MICU3: variants seen among roughly 807,000 people sequenced by gnomAD.
The protein encoded by MICU3 is mitochondrial calcium uptake 3, also known as calcium uptake protein 3, mitochondrial.
MICU3 carries 62 observed loss-of-function variants against 66.5 expected under a neutral mutation model. That is an observed-to-expected ratio of 0.93 (90% CI 0.76 to 1.15). MICU3 has a LOEUF of 1.15. MICU3 is among the 50% of genes most tolerant of loss of function. The pLI is 0.00. For missense variants in MICU3, 779 were observed against 664.4 expected (o/e 1.17, Z -1.90); for synonymous variants, 308 against 240.7 (o/e 1.28, Z -2.59).
chr8:17,101,907 C>T lies in MICU3; in HGVS notation c.985-2484C>T, dbSNP rs1207603059. 2.0e-5 allele frequency among the ~76,000 whole-genome samples: 3 copies of T among 152,030 alleles called. No individual in the cohort carries two copies. In the East Asian group the frequency reaches 5.8e-4, roughly 29 times the overall value. On this transcript the variant is annotated intron_variant, in intron 9 of 14. Coordinates refer to ENST00000318063, the MANE Select transcript of MICU3 (RefSeq NM_181723.3). Reference sequence around the variant, plus strand: ...CAAAAATACATAATAACAGCTAACACTTACTGAGCATTTACAGTACACTAG... The same window carrying T: ...CAAAAATACATAATAACAGCTAACATTTACTGAGCATTTACAGTACACTAG...
chr8:17,091,664 T>A (rs1563363901), intron 8 of MICU3, among the ~76,000 whole-genome samples: 1 of 152,100 alleles, frequency 6.6e-6, no homozygotes, highest in Non-Finnish European at 1.5e-5. Context: ...AGGATCCATA[T>A]AAGTAATTGT....
In MICU3 at chr8:17,102,201, C is replaced by T. The variant is rs112901798; in HGVS notation, c.985-2190C>T. On this transcript the variant is annotated intron_variant, in intron 9 of 14. Coordinates refer to ENST00000318063, the MANE Select transcript of MICU3 (RefSeq NM_181723.3). ...TCTACTCTTGTCTCCTTTCCTCCCACCCCATTCCTCTAGCTTCCAGACAGA... is the reference window on the plus strand; with the variant it reads ...TCTACTCTTGTCTCCTTTCCTCCCATCCCATTCCTCTAGCTTCCAGACAGA... Among the ~76,000 whole-genome samples, 985 of 151,942 alleles carry T rather than the reference C, an allele frequency of 6.5e-3. 10 individuals are homozygous for T. The highest frequency in any genetic ancestry group is 0.023 in the African/African-American group (937 of 41,484).
the MICU3 span, among the ~76,000 whole-genome samples, chr8:17,137,705 CTTTTTTTTTTTTTTTTT>C: frequency 0.021 from 2,151 of 103,136 alleles, 76 homozygotes; most frequent in African/African-American, 0.061. Flanking sequence ...TTTTCTTTTC[CTTTTTTTTTTTTTTTTT>C]TTTTTTTTTT....
the MICU3 span, chr8:17,131,965 C>G: frequency 2.0e-5 from 3 of 152,174 alleles, no homozygotes; most frequent in Admixed American, 6.5e-5. Flanking sequence ...TATATACCTT[C>G]TACGCACACT....
chr8:17,055,613 T>G (rs1006080418), intron 1 of MICU3, among the ~76,000 whole-genome samples: 2 of 152,194 alleles, frequency 1.3e-5, no homozygotes, highest in African/African-American at 2.4e-5. Flanking sequence ...AGGCCTGGCC[T>G]ATAAAAGCTT....
At chr8:17,106,383 G>C (rs553585989) in intron 11 of MICU3, among the ~76,000 whole-genome samples, 2 of 150,908 alleles carry the variant, frequency 1.3e-5, no homozygotes, top group East Asian at 3.9e-4. Flanking sequence ...TTGGCAATTA[G>C]TTTACGATAT....
the MICU3 span, among the ~76,000 whole-genome samples, chr8:17,130,587 A>G: frequency 6.6e-6 from 1 of 152,218 alleles, no homozygotes; most frequent in Non-Finnish European, 1.5e-5. Context: ...GTTTATCATT[A>G]AATTATTTGG....
chr8:17,094,846 A>C (rs1350528499), intron 8 of MICU3, among the ~76,000 whole-genome samples: 1 of 151,994 alleles, frequency 6.6e-6, no homozygotes, highest in Non-Finnish European at 1.5e-5. Flanking sequence ...TTCCTGTTTC[A>C]TCACACCAAA....
At chr8:17,109,323 A>G (rs1444800955) in intron 11 of MICU3, among the ~76,000 whole-genome samples, 1 of 152,048 alleles carries the variant, frequency 6.6e-6, no homozygotes, top group Non-Finnish European at 1.5e-5. Flanking sequence ...TTTTTGTTTT[A>G]TGAATTTTAC....
downstream of MICU3, among the ~76,000 whole-genome samples, chr8:17,124,101 A>T (rs1316711986): frequency 6.6e-6 from 1 of 152,044 alleles, no homozygotes; most frequent in Non-Finnish European, 1.5e-5. Context: ...TTAGCTTGTT[A>T]AGTATTTATT....
intron 13 of MICU3, among the ~76,000 whole-genome samples, chr8:17,117,607 CTTTTT>C (rs1244315510): frequency 1.5e-5 from 2 of 129,438 alleles, no homozygotes; most frequent in Admixed American, 8.1e-5. Flanking sequence ...AAGTTTTATC[CTTTTT>C]TTTTTTTTTT....
chr8:17,048,913 C>G (rs950641195), intron 1 of MICU3, among the ~76,000 whole-genome samples: 6 of 152,196 alleles, frequency 3.9e-5, no homozygotes, highest in Admixed American at 3.9e-4. Context: ...GCAAGGCACC[C>G]AACCTGTCTT....
downstream of MICU3, among the ~76,000 whole-genome samples, chr8:17,123,592 C>A (rs1312027193): frequency 6.6e-6 from 1 of 151,914 alleles, no homozygotes; most frequent in South Asian, 2.1e-4. Flanking sequence ...TCGAATGTTG[C>A]TGGTGAGCTG....
At chr8:17,037,377 T>G (rs1015155050) in intron 1 of MICU3, among the ~76,000 whole-genome samples, 3 of 152,172 alleles carry the variant, frequency 2.0e-5, no homozygotes, top group Non-Finnish European at 4.4e-5. Context: ...CGCTGTCACC[T>G]CTCACCTTGC....
chr8:17,067,621 G>A (rs945257895), intron 2 of MICU3, among the ~76,000 whole-genome samples: 1 of 152,012 alleles, frequency 6.6e-6, no homozygotes, highest in African/African-American at 2.4e-5. Context: ...CAGAGCTGGA[G>A]TTTCACCATG....
chr8:17,118,164 A>G (rs2959601), intron 13 of MICU3, among the ~76,000 whole-genome samples: 8,129 of 152,204 alleles, frequency 0.053, 613 homozygotes, highest in East Asian at 0.21. Flanking sequence ...AATATAAAGT[A>G]CGCTAGAAAC....
intron 3 of MICU3, 66 bp from the exon 4 acceptor site, chr8:17,077,717 A>T: frequency 8.9e-7 from 1 of 1,125,160 alleles, no homozygotes; most frequent in Non-Finnish European, 1.3e-6. Flanking sequence ...ACATTTAAAC[A>T]TGTTTTTGAT....
At chr8:17,109,580 T>G (rs550441583) in intron 11 of MICU3, among the ~76,000 whole-genome samples, 67 of 152,164 alleles carry the variant, frequency 4.4e-4, no homozygotes, top group South Asian at 1.2e-3. Flanking sequence ...TAGAGCCGTT[T>G]GTAGACTATA....
intron 2 of MICU3, among the ~76,000 whole-genome samples, chr8:17,068,698 G>A (rs1819083398): frequency 6.6e-6 from 1 of 152,152 alleles, no homozygotes; most frequent in East Asian, 1.9e-4. Context: ...CTTCTCTTTT[G>A]ATTTTAAATT....
Sources: gnomAD v4.1 joint callset for allele counts (sites outside exome capture counted in the v4.1 genomes callset) on GRCh38, gnomAD v4.1.1 for gene constraint, MANE v1.5 for transcripts, NCBI Gene and HGNC (gene_info 2026-07-23, HGNC 2026-07-21) for gene names.